The following FAM222B variants were observed in gnomAD, a reference collection of about 807,000 sequenced individuals.
FAM222B encodes protein FAM222B.
Under a neutral mutation model 38.0 loss-of-function variants are expected in FAM222B, and 12 were observed. The observed-to-expected ratio is 0.32, with a 90% CI of 0.20 to 0.51. The LOEUF (loss-of-function observed/expected upper bound fraction) is 0.51. FAM222B is among the 20% of genes least tolerant of loss of function. FAM222B has a pLI of 0.97. For missense variants in FAM222B, 716 were observed against 754.2 expected, an observed-to-expected ratio of 0.95 and a Z score of 0.59; for synonymous variants, 329 against 317.2, an observed-to-expected ratio of 1.04 and a Z score of -0.40.
At chr17:28,765,097 T>C (rs1567796517) in intron 2 of FAM222B, among the ~76,000 whole-genome samples, 1 of 152,228 alleles carries the variant, frequency 6.6e-6, no homozygotes, top group Non-Finnish European at 1.5e-5. Flanking sequence ...TGCCTTATTG[T>C]GTCAGGCAAC....
chr17:28,758,775 C>G lies in FAM222B; in HGVS notation c.1184G>C (p.Gly395Ala). The change falls in exon 3 of 3, where the codon GGA becomes GCA. Residue 395 changes from glycine (G) to alanine (A), a missense_variant. By Grantham distance (60) the Gly-to-Ala change is moderately conservative (BLOSUM62 0). Transcript: ENST00000581407. ...APGLTGKHAAGRELAGPGFVG... is the reference protein window; with the variant it reads ...APGLTGKHAAARELAGPGFVG... ...AAAGCCAGGCCCTGCCAACTCGCGT[C>G]CTGCCGCATGCTTGCCTGTCAGGCC... The G allele has an allele frequency of 6.4e-7, 1 of 1,573,598 alleles. No individual in the cohort carries two copies. Among genetic ancestry groups the G allele is most frequent in the South Asian group, 1.2e-5 (1 of 86,906 alleles).
chr17:28,837,996 T>C (rs544554417), intron 1 of FAM222B, among the ~76,000 whole-genome samples: 4 of 151,856 alleles, frequency 2.6e-5, no homozygotes, highest in African/African-American at 7.3e-5. Flanking sequence ...CCGGATGCAG[T>C]GGCTGACGCC....
intron 1 of FAM222B, among the ~76,000 whole-genome samples, chr17:28,853,146 T>C (rs968488237): frequency 6.7e-6 from 1 of 149,944 alleles, no homozygotes; most frequent in Non-Finnish European, 1.5e-5. Context: ...TGAGCCAAGA[T>C]TGCACCATTG....
intron 1 of FAM222B, among the ~76,000 whole-genome samples, chr17:28,827,159 A>T (rs1451882339): frequency 6.6e-6 from 1 of 151,942 alleles, no homozygotes; most frequent in African/African-American, 2.4e-5. Flanking sequence ...AAAGAAAAAA[A>T]CAGCCTGGAC....
Position 28,766,457 on chromosome 17 carries a change from TAAAAA to T in FAM222B, c.82+124_82+128del, listed in dbSNP as rs749007741. 52 of 599,078 alleles carry T rather than the reference TAAAAA, an allele frequency of 8.7e-5. No homozygotes were observed. In the Admixed American group the frequency reaches 1.2e-3, roughly 14 times the overall value. 37.1% of individuals were successfully genotyped at this position (599,078 alleles called of 1,614,324 possible). A position where few individuals can be genotyped will look rare whatever the true frequency, so the allele number is the denominator to read the frequency against. ...GGGTGACAAGAGCAAGACTTCGTCT[TAAAAA>T]AAAAAAAAAAAGAAAGGTGTCAAAA... is the stretch of plus-strand genomic sequence containing the variant. On this transcript the variant is annotated intron_variant, in intron 2 of 2. Coordinates refer to ENST00000581407, the MANE Select transcript of FAM222B (RefSeq NM_001077498.3).
rs1214821889 is a variant in FAM222B at position 28,757,455 on chromosome 17, A to C, written c.*815T>G. ...CTACCTAATTCCTCAAGTAAGGTAGATTTTGTTTTTGTTGAGGGGGAAAGG... is the reference window on the plus strand; with the variant it reads ...CTACCTAATTCCTCAAGTAAGGTAGCTTTTGTTTTTGTTGAGGGGGAAAGG... On this transcript the variant is annotated 3_prime_UTR_variant, in exon 3 of 3. Coordinates refer to ENST00000581407, the MANE Select transcript of FAM222B (RefSeq NM_001077498.3). 6.6e-6 allele frequency: 1 copy of C among 151,378 alleles called. No homozygotes were observed. Among genetic ancestry groups the C allele is most frequent in the Non-Finnish European group, 1.5e-5 (1 of 67,910 alleles). 9.4% of individuals were successfully genotyped at this position (151,378 alleles called of 1,614,324 possible).
At chr17:28,791,386 T>C (rs1440384381) in intron 1 of FAM222B, among the ~76,000 whole-genome samples, 1 of 152,076 alleles carries the variant, frequency 6.6e-6, no homozygotes, top group African/African-American at 2.4e-5. Flanking sequence ...GTTTCCTGTA[T>C]CTTTCTGCCT....
At chr17:28,814,455 T>C (rs571010329) in intron 1 of FAM222B, among the ~76,000 whole-genome samples, 1 of 152,172 alleles carries the variant, frequency 6.6e-6, no homozygotes, top group Admixed American at 6.5e-5. Flanking sequence ...GACATGCCTG[T>C]TTTTATTTTA....
chr17:28,767,304 C>T (rs758375018), intron 1 of FAM222B, among the ~76,000 whole-genome samples: 116 of 152,056 alleles, frequency 7.6e-4, no homozygotes, highest in Admixed American at 2.6e-3. Context: ...TAAAGGCACC[C>T]GCCACCACGC....
chr17:28,759,276 T>G lies in FAM222B; in HGVS notation c.683A>C (p.His228Pro). Reference sequence around the variant, plus strand: ...TGAGTCTGGCATCTTCCGGCCTCCATGCAGCAAGGGATTGTGGGGGTGCTG... The same window carrying G: ...TGAGTCTGGCATCTTCCGGCCTCCAGGCAGCAAGGGATTGTGGGGGTGCTG... Reference protein sequence around the residue: ...GLQHPHNPLLHGGRKMPDSDA... With the variant: ...GLQHPHNPLLPGGRKMPDSDA... Residue 228 changes from histidine to proline, a missense_variant, in exon 3 of 3, where the codon CAT becomes CCT. Coordinates refer to ENST00000581407, the MANE Select transcript of FAM222B (RefSeq NM_001077498.3). The surrounding 1 kb of genome is among the most constrained non-coding windows in gnomAD (Gnocchi z 4.8). The G allele has an allele frequency of 1.2e-6, 2 of 1,613,220 alleles. No homozygotes were observed. Among genetic ancestry groups the G allele is most frequent in the Non-Finnish European group, 1.7e-6 (2 of 1,179,676 alleles).
At chr17:28,789,870 CAG>C (rs2036586359) in intron 1 of FAM222B, among the ~76,000 whole-genome samples, 1 of 152,154 alleles carries the variant, frequency 6.6e-6, no homozygotes, top group African/African-American at 2.4e-5. Flanking sequence ...AGGGAAACCC[CAG>C]AGACAGAAGT....
At chr17:28,799,558 C>T (rs1007286176) in intron 1 of FAM222B, among the ~76,000 whole-genome samples, 2 of 151,980 alleles carry the variant, frequency 1.3e-5, no homozygotes, top group Admixed American at 6.6e-5. Context: ...ATCCGCCCAC[C>T]TCGGCCTACC....
chr17:28,764,271 C>CAAAAA (rs35314377), intron 2 of FAM222B, among the ~76,000 whole-genome samples: 5 of 43,822 alleles, frequency 1.1e-4, no homozygotes, highest in Non-Finnish European at 9.4e-5. Flanking sequence ...GACTCCATCT[C>CAAAAA]AAAAAAAAAA....
At chr17:28,845,988 G>C (rs923455395), upstream of FAM222B, among the ~76,000 whole-genome samples, 1 of 150,016 alleles carries the variant, frequency 6.7e-6, no homozygotes, top group Non-Finnish European at 1.5e-5. Context: ...TGGATCACGA[G>C]GTCAGGAGAT....
At chr17:28,809,380 G>A (rs190531440) in intron 1 of FAM222B, among the ~76,000 whole-genome samples, 243 of 151,254 alleles carry the variant, frequency 1.6e-3, no homozygotes, top group Non-Finnish European at 1.1e-3. Flanking sequence ...GAGAGAGAGA[G>A]AGAAATGAAA....
chr17:28,818,511 G>C (rs2151940937), intron 1 of FAM222B, among the ~76,000 whole-genome samples: 1 of 150,952 alleles, frequency 6.6e-6, no homozygotes, highest in East Asian at 1.9e-4. Context: ...CTGTCTCCAG[G>C]GCGACAGAGC....
At chr17:28,789,224 T>C (rs1597921615) in intron 1 of FAM222B, among the ~76,000 whole-genome samples, 1 of 146,768 alleles carries the variant, frequency 6.8e-6, no homozygotes, top group South Asian at 2.2e-4. Flanking sequence ...TGAGATGGAG[T>C]CTCGCTCTGT....
At chr17:28,825,428 C>T (rs1467587910) in intron 1 of FAM222B, among the ~76,000 whole-genome samples, 1 of 137,966 alleles carries the variant, frequency 7.2e-6, no homozygotes, top group Non-Finnish European at 1.6e-5. Context: ...AGTGAGATCC[C>T]GTCTCAAAAA....
intron 1 of FAM222B, among the ~76,000 whole-genome samples, chr17:28,822,176 C>T (rs2038249540): frequency 6.6e-6 from 1 of 150,640 alleles, no homozygotes; most frequent in African/African-American, 2.4e-5. Flanking sequence ...CACGCGCCAC[C>T]ACACCCAGCT....
Sources: allele counts gnomAD v4.1 joint callset (sites outside exome capture counted in the v4.1 genomes callset), GRCh38; gene constraint gnomAD v4.1.1; non-coding constraint Gnocchi (gnomAD v3.1); transcripts MANE v1.5; gene names NCBI Gene and HGNC (gene_info 2026-07-23, HGNC 2026-07-21).